The following MAP3K20 variants were observed in gnomAD, a reference collection of about 807,000 sequenced individuals.
MAP3K20 encodes the protein mitogen-activated protein kinase kinase kinase 20.
In MAP3K20, 40 loss-of-function variants were observed where a neutral mutation model predicts 85.7. The observed-to-expected ratio is 0.47, with a 90% confidence interval of 0.36 to 0.61. MAP3K20 has a LOEUF of 0.61. Among genes scored for constraint, MAP3K20 ranks in the 20% least tolerant of loss-of-function variants. The pLI, the probability that MAP3K20 is intolerant of heterozygous loss-of-function variation, is 0.00. For missense variants in MAP3K20, 817 were observed against 961.7 expected (o/e 0.85, Z 1.99); for synonymous variants, 325 against 327.7 (o/e 0.99, Z 0.09).
intron 2 of MAP3K20, among the ~76,000 whole-genome samples, chr2:173,106,142 T>C (rs1345529589): frequency 6.6e-6 from 1 of 152,158 alleles, no homozygotes; most frequent in Non-Finnish European, 1.5e-5. Flanking sequence ...TTTAATATAA[T>C]CCCAAATCAT....
intron 2 of MAP3K20, among the ~76,000 whole-genome samples, chr2:173,108,861 T>A (rs34702663): frequency 2.0e-5 from 3 of 152,046 alleles, no homozygotes; most frequent in Admixed American, 2.0e-4. Flanking sequence ...ATTTTTATAA[T>A]CAGAACAAAA....
intron 2 of MAP3K20, among the ~76,000 whole-genome samples, chr2:173,137,702 G>C (rs943773198): frequency 1.3e-5 from 2 of 152,096 alleles, no homozygotes; most frequent in African/African-American, 4.8e-5. Context: ...GGGAATCTAT[G>C]AGCAGAAATG....
intron 4 of MAP3K20, among the ~76,000 whole-genome samples, chr2:173,186,139 G>C (rs1032475648): frequency 1.3e-5 from 2 of 152,122 alleles, no homozygotes; most frequent in Non-Finnish European, 2.9e-5. Context: ...AGGAAGGAAA[G>C]TGCCTATATT....
intron 1 of MAP3K20, among the ~76,000 whole-genome samples, chr2:173,081,340 G>A (rs961728579): frequency 3.3e-5 from 5 of 152,000 alleles, no homozygotes; most frequent in Admixed American, 1.3e-4. Flanking sequence ...TCCCCATAGT[G>A]TTAAAGTGAA....
rs1056283521 is a variant in MAP3K20, at chr2:173,075,849, A to G, written c.-188A>G. 5 of 984,924 alleles carry G rather than the reference A, an allele frequency of 5.1e-6. No individual in the cohort carries two copies. Among genetic ancestry groups the G allele is most frequent in the African/African-American group, 1.8e-5 (1 of 57,130 alleles). 61.0% of individuals were successfully genotyped at this position (984,924 alleles called of 1,614,324 possible). A position where few individuals can be genotyped will look rare whatever the true frequency, so the allele number is the denominator to read the frequency against. On this transcript the variant is annotated 5_prime_UTR_variant, in exon 1 of 20. Transcript: ENST00000375213. ...TGCTGTTGCCGTGACTGTCTTCCTC[A>G]TTGGCGCCGTGCAGAGAGGCGGAAT... is the stretch of plus-strand genomic sequence containing the variant.
intron 7 of MAP3K20, among the ~76,000 whole-genome samples, chr2:173,195,064 C>G (rs182919560): frequency 2.8e-4 from 43 of 152,004 alleles, no homozygotes; most frequent in Admixed American, 2.2e-3. Flanking sequence ...ATTTTTCTAC[C>G]CTCTTATGAG....
At chr2:173,165,083 G>A (rs560455787) in intron 2 of MAP3K20, among the ~76,000 whole-genome samples, 1 of 152,238 alleles carries the variant, frequency 6.6e-6, no homozygotes, top group Non-Finnish European at 1.5e-5. Flanking sequence ...TTTATGAATA[G>A]ACCTTGATTC....
intron 2 of MAP3K20, among the ~76,000 whole-genome samples, chr2:173,164,470 T>C (rs527917168): frequency 1.3e-5 from 2 of 152,322 alleles, no homozygotes; most frequent in African/African-American, 4.8e-5. Context: ...GTGAGATGCA[T>C]AGTTTGCAAA....
intron 2 of MAP3K20, among the ~76,000 whole-genome samples, chr2:173,149,078 A>C (rs1046157922): frequency 5.9e-5 from 9 of 152,268 alleles, no homozygotes; most frequent in African/African-American, 2.2e-4. Flanking sequence ...AATGTAGGAT[A>C]GGTAGAAATA....
intron 2 of MAP3K20, among the ~76,000 whole-genome samples, chr2:173,110,210 TATATATATATATATATATATATATA>T (rs1687906334): frequency 2.9e-4 from 2 of 6,902 alleles, no homozygotes; most frequent in Non-Finnish European, 5.4e-4. Flanking sequence ...CATATATATA[TATATATATATATATATATATATATA>T]TATATATTTT....
At chr2:173,233,661 C>T (rs983051089) in intron 14 of MAP3K20, among the ~76,000 whole-genome samples, 2 of 152,134 alleles carry the variant, frequency 1.3e-5, no homozygotes, top group Non-Finnish European at 2.9e-5. Flanking sequence ...AAGGCAGCCT[C>T]CTGTCCAAAT....
chr2:173,075,591 G>A, upstream of MAP3K20: 1 of 246,156 alleles, frequency 4.1e-6, no homozygotes, highest in East Asian at 1.8e-4. Context: ...AGCAGGTGGT[G>A]TTAATTTGTC....
At chr2:173,162,407 TG>T (rs530079166) in intron 2 of MAP3K20, among the ~76,000 whole-genome samples, 2,670 of 152,160 alleles carry the variant, frequency 0.018, 35 homozygotes, top group Middle Eastern at 0.034. Context: ...GAGGACCGGC[TG>T]GGCATGGTGG....
At chr2:173,256,856 G>A (rs1261538382) in intron 16 of MAP3K20, among the ~76,000 whole-genome samples, 2 of 152,072 alleles carry the variant, frequency 1.3e-5, no homozygotes, top group East Asian at 1.9e-4. Context: ...CAGTGTGCTA[G>A]AATAAGAAAT....
intron 12 of MAP3K20, among the ~76,000 whole-genome samples, chr2:173,230,496 A>C (rs919574919): frequency 1.3e-5 from 2 of 152,170 alleles, no homozygotes; most frequent in African/African-American, 4.8e-5. Context: ...CCCAAGTGGG[A>C]ATAGACACAA....
At chr2:173,237,745 G>A (rs888060125) in intron 14 of MAP3K20, among the ~76,000 whole-genome samples, 2 of 152,318 alleles carry the variant, frequency 1.3e-5, no homozygotes, top group East Asian at 1.9e-4. Context: ...GTTATGTGCT[G>A]TGCTGCTTTG....
In MAP3K20 at chr2:173,232,437, A is replaced by G. The variant is rs1684544258; in HGVS notation, c.1181A>G (p.Lys394Arg). 6.2e-7 allele frequency: 1 copy of G among 1,614,126 alleles called. No individual in the cohort carries two copies. The change falls in exon 14 of 20, where the codon AAG (lysine) becomes AGG (arginine). Residue 394 changes from lysine (K) to arginine (R), a missense_variant. This residue lies in a region of MAP3K20 where 5 missense variants were observed against 20.0 expected (regional missense o/e 0.25). Coordinates refer to ENST00000375213, the MANE Select transcript of MAP3K20 (RefSeq NM_016653.3). ...EDLKDMGIVS[K>R]GHIIHFKSAI... is the part of the protein sequence containing the mutation. Reference sequence around the variant, plus strand: ...CTGAAAGACATGGGCATTGTCTCCAAGGGGCATATCATTCACTTCAAGGTA... The same window carrying G: ...CTGAAAGACATGGGCATTGTCTCCAGGGGGCATATCATTCACTTCAAGGTA...
At chr2:173,146,290 T>C (rs1242278163) in intron 2 of MAP3K20, among the ~76,000 whole-genome samples, 2 of 152,040 alleles carry the variant, frequency 1.3e-5, no homozygotes, top group Non-Finnish European at 1.5e-5. Flanking sequence ...TTAGAGGGAT[T>C]CTCCAGAAGC....
chr2:173,143,622 G>A (rs961466969), intron 2 of MAP3K20, among the ~76,000 whole-genome samples: 5 of 152,180 alleles, frequency 3.3e-5, no homozygotes, highest in African/African-American at 1.2e-4. Context: ...GTAAGACAAG[G>A]ATATCTGCTC....
Sources: allele counts gnomAD v4.1 joint callset (sites outside exome capture counted in the v4.1 genomes callset), GRCh38; gene constraint gnomAD v4.1.1; regional missense constraint gnomAD v4.1.1; transcripts MANE v1.5; gene names NCBI Gene and HGNC (gene_info 2026-07-23, HGNC 2026-07-21).